ANP32B: variants seen among roughly 807,000 people sequenced by gnomAD.
ANP32B encodes the protein acidic nuclear phosphoprotein 32 family member B, also known as acidic leucine-rich nuclear phosphoprotein 32 family member B.
In ANP32B, 6 loss-of-function variants were observed where a neutral mutation model predicts 32.2. The ratio of observed to expected loss-of-function variants is 0.19; its 90% CI spans 0.10 to 0.37. The LOEUF is 0.37. Among genes scored for constraint, ANP32B ranks in the 10% least tolerant of loss-of-function variants. The pLI is 1.00. For synonymous variants in ANP32B, 98 were observed against 105.8 expected, an observed-to-expected ratio of 0.93 and a Z score of 0.45; for missense variants, 204 against 289.2, an observed-to-expected ratio of 0.71 and a Z score of 2.14.
intron 4 of ANP32B, among the ~76,000 whole-genome samples, chr9:98,006,721 A>G (rs888978749): frequency 6.6e-6 from 1 of 152,238 alleles, no homozygotes; most frequent in Non-Finnish European, 1.5e-5. Flanking sequence ...GGCTGGGCAC[A>G]GTGGCTCATG....
intron 1 of ANP32B, 25 bp downstream of exon 1, chr9:97,983,634 C>A: frequency 6.5e-7 from 1 of 1,536,984 alleles, no homozygotes; most frequent in South Asian, 1.2e-5. Flanking sequence ...CTCTGGGTGC[C>A]CTCTCCCCCG....
intron 2 of ANP32B, among the ~76,000 whole-genome samples, chr9:97,997,410 A>G (rs561544257): frequency 2.3e-4 from 35 of 152,302 alleles, no homozygotes; most frequent in African/African-American, 8.2e-4. Flanking sequence ...CATATAGTAC[A>G]TTTCATTGCA....
chr9:97,994,728 A>G lies in ANP32B; in HGVS notation c.152A>G (p.Asn51Ser). The G allele has an allele frequency of 6.2e-7, 1 of 1,611,146 alleles. No individual in the cohort carries two copies. Among genetic ancestry groups the G allele is most frequent in the Non-Finnish European group, 8.5e-7 (1 of 1,179,158 alleles). The change falls in exon 2 of 7, where the codon AAT (asparagine) becomes AGT (serine). Residue 51 changes from asparagine (N) to serine (S), a missense_variant. Physicochemically the swap from Asn to Ser is conservative, Grantham distance 46. Transcript: ENST00000339399. ...AACTTAGAGTTCCTCAGTTTAATAA[A>G]TGTAGGCTTGATCTCAGTTTCAAAT... Reference protein sequence around the residue: ...FVNLEFLSLINVGLISVSNLP... With the variant: ...FVNLEFLSLISVGLISVSNLP...
At chr9:98,000,471 T>G (rs1318572485) in intron 3 of ANP32B, among the ~76,000 whole-genome samples, 2 of 152,210 alleles carry the variant, frequency 1.3e-5, no homozygotes, top group Admixed American at 1.3e-4. Context: ...TAAGCCGACA[T>G]TTACTGACTT....
chr9:97,988,372 G>A (rs1827772207), intron 1 of ANP32B, among the ~76,000 whole-genome samples: 2 of 152,012 alleles, frequency 1.3e-5, no homozygotes, highest in Non-Finnish European at 2.9e-5. Context: ...GAATATTGGT[G>A]TTTCCTTCCT....
At position 98,009,683 on chromosome 9, in the gene ANP32B, C is replaced by G. The variant is rs529939573; in HGVS notation, c.518-1588C>G. Among the ~76,000 whole-genome samples, 53 of 152,384 alleles carry G rather than the reference C, an allele frequency of 3.5e-4. 1 individual carries two copies. In the South Asian group the frequency reaches 0.01, roughly 30 times the overall value. On this transcript the variant is annotated intron_variant, in intron 4 of 6. Coordinates refer to ENST00000339399, the MANE Select transcript of ANP32B (RefSeq NM_006401.3). The stretch of plus-strand genomic sequence containing the variant: ...ACCACCTGCTGTGCGGCCCAGGCCA[C>G]AGACCAGTACCAGTCCTGGGAGTTG...
intron 1 of ANP32B, among the ~76,000 whole-genome samples, chr9:97,990,210 G>A (rs73490697): frequency 0.058 from 8,798 of 152,182 alleles, 798 homozygotes; most frequent in African/African-American, 0.2. Context: ...TAACTACTCA[G>A]TTATCACTGA....
At chr9:97,990,861 C>G (rs1277424036) in intron 1 of ANP32B, among the ~76,000 whole-genome samples, 2 of 146,650 alleles carry the variant, frequency 1.4e-5, no homozygotes, top group Non-Finnish European at 3.0e-5. Flanking sequence ...GCTCTGGTGC[C>G]CAGGCTGGAG....
At chr9:97,984,695 C>CGT (rs1827676374) in intron 1 of ANP32B, 1 of 150,756 alleles carries the variant, frequency 6.6e-6, no homozygotes, top group East Asian at 2.0e-4. Context: ...AGCCCTCGGT[C>CGT]TGTTTCCCCC....
At chr9:97,988,115 A>G (rs1827767422) in intron 1 of ANP32B, among the ~76,000 whole-genome samples, 1 of 152,076 alleles carries the variant, frequency 6.6e-6, no homozygotes, top group Non-Finnish European at 1.5e-5. Context: ...AATAATCCAA[A>G]TGCTAGCTAG....
At chr9:98,011,909 A>G (rs1828191565) in intron 5 of ANP32B, among the ~76,000 whole-genome samples, 1 of 152,242 alleles carries the variant, frequency 6.6e-6, no homozygotes. Context: ...TAAATGCTAT[A>G]CGAGGGCAGG....
At chr9:98,011,230 C>A (rs375803909) in intron 4 of ANP32B, 41 bp from the exon 5 acceptor site, 65 of 1,542,882 alleles carry the variant, frequency 4.2e-5, no homozygotes, top group African/African-American at 6.9e-5. Flanking sequence ...CCCTGTGGAG[C>A]GTCGAGGATA....
chr9:97,985,358 C>G (rs944065607), intron 1 of ANP32B, among the ~76,000 whole-genome samples: 1 of 152,210 alleles, frequency 6.6e-6, no homozygotes, highest in Non-Finnish European at 1.5e-5. Context: ...CGGCGCTGTC[C>G]TTCCCGGAGG....
At chr9:97,985,679 A>C (rs967017135) in intron 1 of ANP32B, among the ~76,000 whole-genome samples, 2 of 152,238 alleles carry the variant, frequency 1.3e-5, no homozygotes, top group Non-Finnish European at 2.9e-5. Context: ...TGCTCAAACT[A>C]AAGGTCTTTT....
At chr9:98,010,664 T>C (rs1179032608) in intron 4 of ANP32B, among the ~76,000 whole-genome samples, 2 of 151,948 alleles carry the variant, frequency 1.3e-5, no homozygotes, top group African/African-American at 4.8e-5. Context: ...TGGTGTGCTC[T>C]AGGACCCAGG....
chr9:97,985,937 T>G (rs1827723988), intron 1 of ANP32B, among the ~76,000 whole-genome samples: 1 of 152,216 alleles, frequency 6.6e-6, no homozygotes, highest in Non-Finnish European at 1.5e-5. Context: ...TTCTCCTGCC[T>G]CAACCTCCCG....
At chr9:97,990,156 G>C (rs1394249239) in intron 1 of ANP32B, among the ~76,000 whole-genome samples, 1 of 152,134 alleles carries the variant, frequency 6.6e-6, no homozygotes, top group African/African-American at 2.4e-5. Flanking sequence ...TTTTTCTCCT[G>C]CTGTCCTTTC....
chr9:97,994,850 A>G, intron 2 of ANP32B, 70 bp downstream of exon 2: 1 of 1,457,608 alleles, frequency 6.9e-7, no homozygotes, highest in East Asian at 2.3e-5. Context: ...TTTACCTGTA[A>G]GGAAGCACTT....
At position 98,011,322 on chromosome 9, in the gene ANP32B, T is replaced by C. The variant is rs902703946; in HGVS notation, c.569T>C (p.Phe190Ser). ...EDDEDGEEEE[F>S]DEEDDEDEDV... ...GATGAGGATGGTGAAGAAGAGGAGT[T>C]TGATGAAGAAGATGATGAAGATGAA... Residue 190 changes from phenylalanine (F) to serine (S), a missense_variant, in exon 5 of 7, where the codon TTT becomes TCT. Physicochemically the swap from Phe to Ser is radical, Grantham distance 155. Coordinates refer to ENST00000339399, the MANE Select transcript of ANP32B (RefSeq NM_006401.3). The C allele has an allele frequency of 6.5e-7, 1 of 1,549,646 alleles. No individual in the cohort carries two copies. Among genetic ancestry groups the C allele is most frequent in the Non-Finnish European group, 8.7e-7 (1 of 1,143,630 alleles).
Sources: gnomAD v4.1 joint callset for allele counts (sites outside exome capture counted in the v4.1 genomes callset) on GRCh38, gnomAD v4.1.1 for gene constraint, MANE v1.5 for transcripts, NCBI Gene and HGNC (gene_info 2026-07-23, HGNC 2026-07-21) for gene names.